Variants in ZC3HC1 observed in about 807,000 individuals in gnomAD.
The protein encoded by ZC3HC1 is zinc finger C3HC-type protein 1.
A neutral mutation model predicts 61.9 loss-of-function variants in ZC3HC1; 38 were observed. That is an observed-to-expected ratio of 0.61 (90% CI 0.47 to 0.81). The LOEUF is 0.81. ZC3HC1 is among the 30% of genes least tolerant of loss of function. The probability of loss-of-function intolerance (pLI) is 0.00; values close to 1 mark genes in which losing one functional copy is unlikely to be tolerated. For missense variants in ZC3HC1, 554 were observed against 622.7 expected (o/e 0.89, Z 1.17); for synonymous variants, 213 against 229.9 (o/e 0.93, Z 0.67).
rs1794523169 is a variant in ZC3HC1 at position 130,038,792 on chromosome 7, G to A, written c.493+672C>T. Among the ~76,000 whole-genome samples, 3 of 150,692 alleles carry A rather than the reference G, an allele frequency of 2.0e-5. No individual in the cohort carries two copies. The Admixed American group carries it at 2.0e-4, about 10-fold the overall frequency. ...GGAGAATCGCTTGAACCTCGGAGGT[G>A]GAGGCTGCAGTGAGTTGAGATCGTG... On this transcript the variant is annotated intron_variant, in intron 4 of 9. Coordinates refer to ENST00000358303, the MANE Select transcript of ZC3HC1 (RefSeq NM_016478.5).
chr7:130,021,912 C>T (rs992390587), intron 9 of ZC3HC1, among the ~76,000 whole-genome samples: 1 of 152,014 alleles, frequency 6.6e-6, no homozygotes, highest in African/African-American at 2.4e-5. Flanking sequence ...CGGTGGCTCA[C>T]GCCTGTAATC....
In ZC3HC1 at chr7:130,018,565, A is replaced by G. The variant is rs1793473580; in HGVS notation, c.*99T>C. On this transcript the variant is annotated 3_prime_UTR_variant, in exon 10 of 10. Transcript: ENST00000358303. ...GGGCTCCTTATGATTAACCCAGAAC[A>G]GGAAAAACTTAGTGTCAGCTGACCG... The G allele has an allele frequency of 9.7e-7, 1 of 1,028,484 alleles. No individual in the cohort carries two copies. The highest frequency in any genetic ancestry group is 1.5e-6 in the Non-Finnish European group (1 of 675,654). The allele number at this position is 1,028,484 out of a possible 1,614,324, so 63.7% of individuals were successfully genotyped here.
intron 3 of ZC3HC1, 63 bp downstream of exon 3, chr7:130,040,888 C>G (rs185290350): frequency 2.1e-6 from 3 of 1,442,134 alleles, no homozygotes; most frequent in Non-Finnish European, 2.8e-6. Flanking sequence ...TTTCCCCCCC[C>G]AGAAAACCAG....
Position 130,042,903 on chromosome 7 carries a change from G to A in ZC3HC1, c.259-1802C>T, listed in dbSNP as rs919810682. Among the ~76,000 whole-genome samples the A allele has an allele frequency of 5.3e-5, 8 of 152,226 alleles. 1 individual carries two copies. The highest frequency in any genetic ancestry group is 3.3e-4 in the Admixed American group (5 of 15,292). On this transcript the variant is annotated intron_variant, in intron 2 of 9. Transcript: ENST00000358303. The stretch of plus-strand genomic sequence containing the variant: ...TTGCCATGTTGGCCAGGCTGGTCTC[G>A]AATGCCTGACCTTGAACGCCTGAGG...
At chr7:130,041,866 G>C (rs1053217801) in intron 2 of ZC3HC1, among the ~76,000 whole-genome samples, 7 of 152,142 alleles carry the variant, frequency 4.6e-5, no homozygotes, top group African/African-American at 1.4e-4. Context: ...ACATTAAGGA[G>C]AAAGGCAATG....
chr7:130,042,672 GT>G (rs1036354779), intron 2 of ZC3HC1, among the ~76,000 whole-genome samples: 14 of 152,044 alleles, frequency 9.2e-5, no homozygotes, highest in Non-Finnish European at 1.6e-4. Context: ...TAAATGCTCA[GT>G]TTTTTTGTTT....
intron 2 of ZC3HC1, chr7:130,043,808 A>G (rs1249258588): frequency 2.2e-6 from 1 of 454,370 alleles, no homozygotes; most frequent in South Asian, 1.6e-5. Flanking sequence ...GGGTGACGAG[A>G]GATTCATGCA....
intron 5 of ZC3HC1, among the ~76,000 whole-genome samples, chr7:130,028,307 C>T (rs1360946521): frequency 6.6e-6 from 1 of 151,172 alleles, no homozygotes; most frequent in Non-Finnish European, 1.5e-5. Context: ...TTTGGGAGGC[C>T]GAGGCAGGTG....
rs1412032325 is a variant in ZC3HC1 at position 130,023,374 on chromosome 7, C to T, written c.1233+137G>A. 1.2e-6 allele frequency: 1 copy of T among 846,836 alleles called. No homozygotes were observed. Among genetic ancestry groups the T allele is most frequent in the African/African-American group, 1.7e-5 (1 of 59,084 alleles). 52.5% of individuals were successfully genotyped at this position (846,836 alleles called of 1,614,324 possible). Reference sequence around the variant, plus strand: ...ACTGACATTTTTTCCCTTTGGTCATCCAACTTTAAATTTATTCACATGGTC... The same window carrying T: ...ACTGACATTTTTTCCCTTTGGTCATTCAACTTTAAATTTATTCACATGGTC... On this transcript the variant is annotated intron_variant, in intron 8 of 9. Coordinates refer to ENST00000358303, the MANE Select transcript of ZC3HC1 (RefSeq NM_016478.5). This position sits in a 1 kb window ranked among gnomAD's most constrained non-coding sequence, Gnocchi z 4.2.
intron 5 of ZC3HC1, 137 bp downstream of exon 5, chr7:130,028,765 A>G: frequency 8.5e-7 from 1 of 1,174,948 alleles, no homozygotes. Flanking sequence ...CCTGGTGGAG[A>G]CTGAAAAGGT....
chr7:130,022,592 G>A, intron 8 of ZC3HC1, 67 bp from the exon 9 acceptor site: 6 of 1,538,448 alleles, frequency 3.9e-6, no homozygotes, highest in Non-Finnish European at 4.4e-6. Flanking sequence ...AGGCACTGCT[G>A]TTAGTTATCA....
At chr7:130,040,182 TAAAAAAAAAAA>T (rs34814353) in intron 3 of ZC3HC1, among the ~76,000 whole-genome samples, 9 of 35,360 alleles carry the variant, frequency 2.5e-4, no homozygotes, top group Admixed American at 2.5e-3. Context: ...TAGCTTAGTT[TAAAAAAAAAAA>T]AAAAAAAAAA....
In ZC3HC1 at chr7:130,024,425, C is replaced by G. The variant is rs763382115; in HGVS notation, c.858G>C (p.Gln286His). Residue 286 changes from glutamine to histidine, a missense_variant, in exon 7 of 10, where the codon CAG becomes CAC. Gln to His is a conservative substitution (Grantham distance 24). Transcript: ENST00000358303. ...MRKVGLWGFQ[Q>H]IESSMTDLDA... Reference sequence around the variant, plus strand: ...CCAGGTCAGTCATGGACGATTCAATCTGCTGGAAGCCCCAGAGCCCCACCT... The same window carrying G: ...CCAGGTCAGTCATGGACGATTCAATGTGCTGGAAGCCCCAGAGCCCCACCT... 1 of 1,614,180 alleles carries G rather than the reference C, an allele frequency of 6.2e-7. No homozygotes were observed. Among genetic ancestry groups the G allele is most frequent in the East Asian group, 2.2e-5 (1 of 44,878 alleles).
chr7:130,023,388 A>T lies in ZC3HC1; in HGVS notation c.1233+123T>A. On this transcript the variant is annotated intron_variant, in intron 8 of 9. Transcript: ENST00000358303. The surrounding 1 kb of genome is among the most constrained non-coding windows in gnomAD (Gnocchi z 4.2). The stretch of plus-strand genomic sequence containing the variant: ...CCTTTGGTCATCCAACTTTAAATTT[A>T]TTCACATGGTCTACTTTTTGCATTG... 1 of 950,154 alleles carries T rather than the reference A, an allele frequency of 1.1e-6. No individual in the cohort carries two copies. The highest frequency in any genetic ancestry group is 1.6e-6 in the Non-Finnish European group (1 of 633,030). The allele number at this position is 950,154 out of a possible 1,614,324, so 58.9% of individuals were successfully genotyped here.
intron 2 of ZC3HC1, 153 bp downstream of exon 2, chr7:130,048,880 G>C (rs1442864424): frequency 8.1e-6 from 4 of 495,890 alleles, no homozygotes; most frequent in Non-Finnish European, 1.3e-5. Context: ...CTGTCCCTCT[G>C]AGTGATAACA....
intron 4 of ZC3HC1, among the ~76,000 whole-genome samples, chr7:130,036,119 T>G (rs892438556): frequency 6.6e-6 from 1 of 152,106 alleles, no homozygotes; most frequent in Non-Finnish European, 1.5e-5. Context: ...GCCTGTTTTT[T>G]TTTTTTTTTC....
intron 4 of ZC3HC1, among the ~76,000 whole-genome samples, chr7:130,034,484 CAAAAAAAAAAAAA>C (rs35780865): frequency 6.1e-4 from 38 of 62,314 alleles, no homozygotes; most frequent in African/African-American, 8.2e-4. Context: ...GACTCCGTCT[CAAAAAAAAAAAAA>C]AAAAAAAAAA....
At chr7:130,048,742 T>C (rs1794960929) in intron 2 of ZC3HC1, among the ~76,000 whole-genome samples, 2 of 152,162 alleles carry the variant, frequency 1.3e-5, no homozygotes. Flanking sequence ...TTTTCATAGG[T>C]TTAAGGTCAA....
chr7:130,049,954 G>T (rs972196988), intron 1 of ZC3HC1, among the ~76,000 whole-genome samples: 3 of 150,394 alleles, frequency 2.0e-5, no homozygotes, highest in African/African-American at 7.3e-5. Flanking sequence ...TAGAAAATTC[G>T]AATCAAAGAT....
Sources: allele counts gnomAD v4.1 joint callset (sites outside exome capture counted in the v4.1 genomes callset), GRCh38; gene constraint gnomAD v4.1.1; non-coding constraint Gnocchi (gnomAD v3.1); transcripts MANE v1.5; gene names NCBI Gene and HGNC (gene_info 2026-07-23, HGNC 2026-07-21).